The following WDR17 variants were observed in gnomAD, a reference collection of about 807,000 sequenced individuals.
WDR17 encodes WD repeat-containing protein 17.
Under a neutral mutation model 161.7 loss-of-function variants are expected in WDR17, and 143 were observed. The observed-to-expected ratio is 0.88, with a 90% confidence interval of 0.77 to 1.02. The LOEUF (loss-of-function observed/expected upper bound fraction) is 1.02. Ranked by LOEUF, WDR17 falls within the 50% of genes least tolerant of loss-of-function variation. The pLI is 0.00. For synonymous variants in WDR17, 517 were observed against 515.6 expected (o/e 1.00, Z -0.04); for missense variants, 1,469 against 1,520.9 (o/e 0.97, Z 0.57).
At chr4:176,068,828 A>G (rs753480136) in intron 1 of WDR17, among the ~76,000 whole-genome samples, 2 of 152,202 alleles carry the variant, frequency 1.3e-5, no homozygotes, top group Non-Finnish European at 2.9e-5. Flanking sequence ...AGATACGGAT[A>G]CCTGAAGAGA....
intron 22 of WDR17, among the ~76,000 whole-genome samples, chr4:176,165,351 A>C (rs1214933987): frequency 6.6e-6 from 1 of 152,112 alleles, no homozygotes; most frequent in Non-Finnish European, 1.5e-5. Context: ...CCTGGGCAAC[A>C]AGAGTGAAAC....
intron 1 of WDR17, among the ~76,000 whole-genome samples, chr4:176,093,747 A>T (rs1394245951): frequency 6.6e-6 from 1 of 151,658 alleles, no homozygotes; most frequent in Admixed American, 6.6e-5. Flanking sequence ...TCAACTCTGC[A>T]CCCCAGGGAG....
intron 1 of WDR17, among the ~76,000 whole-genome samples, chr4:176,079,708 A>G (rs576825433): frequency 1.2e-4 from 18 of 152,278 alleles, no homozygotes; most frequent in Non-Finnish European, 1.9e-4. Context: ...CTTGTAAAGA[A>G]AATAAGTTTA....
intron 11 of WDR17, 80 bp downstream of exon 11, chr4:176,142,149 C>T: frequency 8.6e-7 from 1 of 1,163,482 alleles, no homozygotes; most frequent in Admixed American, 1.8e-5. Context: ...GTGCTATTTC[C>T]AAAGGTAATA....
chr4:176,178,104 C>T (rs746652621), intron 28 of WDR17, among the ~76,000 whole-genome samples: 31 of 142,788 alleles, frequency 2.2e-4, no homozygotes, highest in Middle Eastern at 4.1e-3. Context: ...TGTGAAAAGT[C>T]ACATTTCTAA....
intron 1 of WDR17, among the ~76,000 whole-genome samples, chr4:176,067,342 C>A (rs1561054885): frequency 6.6e-6 from 1 of 152,142 alleles, no homozygotes; most frequent in East Asian, 1.9e-4. Flanking sequence ...ATTAATGTTA[C>A]AAATGGTAGC....
intron 1 of WDR17, among the ~76,000 whole-genome samples, chr4:176,110,416 G>A (rs945244009): frequency 1.1e-4 from 17 of 152,148 alleles, no homozygotes; most frequent in South Asian, 2.1e-4. Flanking sequence ...GTGAGCCACC[G>A]CGCCCAGCCT....
At chr4:176,177,397 G>A in intron 27 of WDR17, 74 bp from the exon 28 acceptor site, 1 of 1,330,128 alleles carries the variant, frequency 7.5e-7, no homozygotes, top group East Asian at 2.4e-5. Context: ...AATCATCAGG[G>A]ATAATTTCTA....
intron 8 of WDR17, among the ~76,000 whole-genome samples, chr4:176,135,991 A>G (rs190641972): frequency 0.011 from 1,698 of 151,664 alleles, 12 homozygotes; most frequent in Non-Finnish European, 0.02. Context: ...AGGGATTCTT[A>G]ACTTTGAATA....
intron 3 of WDR17, among the ~76,000 whole-genome samples, chr4:176,117,335 C>T (rs2126712115): frequency 6.6e-6 from 1 of 152,084 alleles, no homozygotes; most frequent in South Asian, 2.1e-4. Flanking sequence ...TTTCCAAGTA[C>T]TTTAAATCCA....
intron 11 of WDR17, among the ~76,000 whole-genome samples, chr4:176,143,916 C>G (rs1435106644): frequency 6.6e-6 from 1 of 152,116 alleles, no homozygotes; most frequent in Non-Finnish European, 1.5e-5. Flanking sequence ...TCTTTCAATA[C>G]TTTCCCATTA....
intron 25 of WDR17, 109 bp downstream of exon 25, chr4:176,173,478 G>C (rs1229452495): frequency 3.3e-6 from 2 of 613,918 alleles, no homozygotes; most frequent in Admixed American, 3.4e-5. Context: ...TGGACAGGTA[G>C]CTACACTTGT....
At chr4:176,066,404 G>C (rs1732533461) in intron 1 of WDR17, among the ~76,000 whole-genome samples, 1 of 152,176 alleles carries the variant, frequency 6.6e-6, no homozygotes, top group Non-Finnish European at 1.5e-5. Flanking sequence ...TAGAGCCTAG[G>C]TTGCTGTTCT....
intron 24 of WDR17, among the ~76,000 whole-genome samples, chr4:176,172,895 A>G (rs1342524598): frequency 2.0e-5 from 3 of 152,162 alleles, no homozygotes; most frequent in East Asian, 3.8e-4. Context: ...CACCAAGGGG[A>G]TTGCACTAAG....
chr4:176,071,596 T>C (rs2126548781), intron 1 of WDR17, among the ~76,000 whole-genome samples: 1 of 152,338 alleles, frequency 6.6e-6, no homozygotes, highest in East Asian at 1.9e-4. Context: ...ATTACAGGCG[T>C]GAGCCACCAC....
At chr4:176,107,197 A>G (rs1464956057) in intron 1 of WDR17, among the ~76,000 whole-genome samples, 1 of 151,988 alleles carries the variant, frequency 6.6e-6, no homozygotes, top group Admixed American at 6.6e-5. Flanking sequence ...GTTGCTCAAC[A>G]TTATTAATCT....
chr4:176,086,476 G>A (rs1026226833), intron 1 of WDR17, among the ~76,000 whole-genome samples: 1 of 151,870 alleles, frequency 6.6e-6, no homozygotes, highest in Non-Finnish European at 1.5e-5. Context: ...AACTATGTAT[G>A]TCATTTGGAT....
intron 1 of WDR17, among the ~76,000 whole-genome samples, chr4:176,099,653 C>T (rs143822282): frequency 2.6e-5 from 4 of 152,214 alleles, no homozygotes; most frequent in African/African-American, 9.6e-5. Flanking sequence ...ATAGATTGCA[C>T]AGTGATCAAA....
intron 3 of WDR17, 22 bp from the exon 4 acceptor site, chr4:176,119,845 A>G (rs890897669): frequency 1.0e-5 from 16 of 1,590,150 alleles, no homozygotes; most frequent in East Asian, 2.2e-5. Flanking sequence ...TTTATTATGT[A>G]TCTGTATTTA....
Sources: gnomAD v4.1 joint callset for allele counts (sites outside exome capture counted in the v4.1 genomes callset) on GRCh38, gnomAD v4.1.1 for gene constraint, MANE v1.5 for transcripts, NCBI Gene and HGNC (gene_info 2026-07-23, HGNC 2026-07-21) for gene names.